The following NOX4 variants were observed in gnomAD, a reference collection of about 807,000 sequenced individuals.
The protein encoded by NOX4 is kidney oxidase-1.
NOX4 carries 69 observed loss-of-function variants against 87.6 expected under a neutral mutation model. The ratio of observed to expected loss-of-function variants is 0.79; its 90% CI spans 0.65 to 0.96. The LOEUF is 0.96. NOX4 is among the 40% of genes least tolerant of loss of function. The pLI is 0.00. For missense variants in NOX4, 680 were observed against 681.5 expected (o/e 1.00, Z 0.02); for synonymous variants, 275 against 238.2 (o/e 1.15, Z -1.42).
intron 8 of NOX4, among the ~76,000 whole-genome samples, chr11:89,411,081 C>T (rs143409492): frequency 0.022 from 3,365 of 152,222 alleles, 131 homozygotes; most frequent in African/African-American, 0.077. Context: ...GCCCTGATTC[C>T]AGGCACTAAC....
At chr11:89,467,435 C>G (rs1158363121) in intron 2 of NOX4, among the ~76,000 whole-genome samples, 1 of 149,382 alleles carries the variant, frequency 6.7e-6, no homozygotes, top group Non-Finnish European at 1.5e-5. Flanking sequence ...TCAGTCTGCT[C>G]TGGATGCTTT....
At chr11:89,577,351 T>C in the NOX4 span, 1 of 152,148 alleles carries the variant, frequency 6.6e-6, no homozygotes, top group Non-Finnish European at 1.5e-5. Flanking sequence ...TTTAAAAATA[T>C]CTAATGTATG....
In NOX4 at chr11:89,326,881, A is replaced by G. The variant is rs565576309; in HGVS notation, c.1617-5T>C. 6.2e-7 allele frequency: 1 copy of G among 1,612,714 alleles called. No homozygotes were observed. The highest frequency in any genetic ancestry group is 8.5e-7 in the Non-Finnish European group (1 of 1,179,268). ...CAGAAAACACCAACTGTTTTTCTAG[A>G]ACAAGAGCAGAGAAAATGGAAAATC... On this transcript the variant is annotated splice_polypyrimidine_tract_variant and splice_region_variant and intron_variant, in intron 17 of 17. Transcript: ENST00000263317.
the NOX4 span, among the ~76,000 whole-genome samples, chr11:89,539,156 G>A: frequency 5.9e-5 from 9 of 152,136 alleles, no homozygotes; most frequent in Non-Finnish European, 1.2e-4. Flanking sequence ...TTTTTGGGCA[G>A]GATGCGGTGG....
chr11:89,561,050 CATATATATATATATATATATATATAT>C, the NOX4 span, among the ~76,000 whole-genome samples: 20 of 28,552 alleles, frequency 7.0e-4, no homozygotes, highest in East Asian at 1.3e-3. Context: ...ATATATCATA[CATATATATATATATATATATATATAT>C]ATATATATAT....
At chr11:89,504,220 G>A in the NOX4 span, among the ~76,000 whole-genome samples, 1 of 151,796 alleles carries the variant, frequency 6.6e-6, no homozygotes, top group Non-Finnish European at 1.5e-5. Flanking sequence ...GCCCAATTAA[G>A]TTGCTGAAAG....
intron 8 of NOX4, among the ~76,000 whole-genome samples, chr11:89,416,601 T>A (rs1020184989): frequency 6.6e-6 from 1 of 152,148 alleles, no homozygotes; most frequent in Non-Finnish European, 1.5e-5. Context: ...CCCCACAATA[T>A]CTGTCTAACC....
chr11:89,549,295 T>A, the NOX4 span, among the ~76,000 whole-genome samples: 16 of 152,186 alleles, frequency 1.1e-4, no homozygotes, highest in African/African-American at 3.9e-4. Flanking sequence ...ACCAACCTTT[T>A]CTCAGATTTT....
the NOX4 span, among the ~76,000 whole-genome samples, chr11:89,537,755 T>A: frequency 6.6e-6 from 1 of 152,150 alleles, no homozygotes; most frequent in Non-Finnish European, 1.5e-5. Flanking sequence ...GGAGTTGACT[T>A]TGTACAACAC....
At chr11:89,560,017 G>T in the NOX4 span, among the ~76,000 whole-genome samples, 16 of 152,106 alleles carry the variant, frequency 1.1e-4, no homozygotes, top group Non-Finnish European at 2.1e-4. Flanking sequence ...TCATTTGGAA[G>T]TTGGGTCTTT....
chr11:89,374,754 A>G (rs1939715028), intron 11 of NOX4, among the ~76,000 whole-genome samples: 1 of 152,138 alleles, frequency 6.6e-6, no homozygotes, highest in South Asian at 2.1e-4. Flanking sequence ...GTTGATCATT[A>G]GTAGAATTGG....
the NOX4 span, among the ~76,000 whole-genome samples, chr11:89,568,876 A>G: frequency 1.3e-5 from 2 of 152,172 alleles, no homozygotes; most frequent in Non-Finnish European, 1.5e-5. Context: ...ACCTACAACA[A>G]ACAACTTTTG....
intron 11 of NOX4, among the ~76,000 whole-genome samples, chr11:89,392,849 A>T (rs1364752648): frequency 6.6e-6 from 1 of 152,176 alleles, no homozygotes; most frequent in Non-Finnish European, 1.5e-5. Context: ...TTGAGTAAGC[A>T]AAATATGTTT....
At chr11:89,485,099 A>T (rs776960088) in intron 2 of NOX4, among the ~76,000 whole-genome samples, 2 of 152,132 alleles carry the variant, frequency 1.3e-5, no homozygotes, top group Non-Finnish European at 2.9e-5. Flanking sequence ...CTGTCTCTGT[A>T]AAATGTTATG....
chr11:89,449,546 T>G (rs774821305), intron 3 of NOX4, 22 bp from the exon 4 acceptor site: 4 of 1,574,310 alleles, frequency 2.5e-6, no homozygotes, highest in Non-Finnish European at 3.5e-6. Flanking sequence ...TCATTTAATA[T>G]GGTAAAAATA....
At chr11:89,327,807 T>G (rs555983487) in intron 17 of NOX4, among the ~76,000 whole-genome samples, 1 of 152,056 alleles carries the variant, frequency 6.6e-6, no homozygotes, top group African/African-American at 2.4e-5. Flanking sequence ...AAAATGAAAC[T>G]AAAAGCTGTG....
At chr11:89,517,139 A>T in the NOX4 span, among the ~76,000 whole-genome samples, 1 of 152,080 alleles carries the variant, frequency 6.6e-6, no homozygotes, top group Non-Finnish European at 1.5e-5. Flanking sequence ...TGTCACTTTG[A>T]TGTTATTCAA....
chr11:89,448,931 A>C (rs1201900163), intron 4 of NOX4, among the ~76,000 whole-genome samples: 1 of 152,136 alleles, frequency 6.6e-6, no homozygotes, highest in African/African-American at 2.4e-5. Context: ...ATATCACATC[A>C]TCACTTTCAG....
At chr11:89,338,029 G>A (rs1945795053) in intron 15 of NOX4, among the ~76,000 whole-genome samples, 1 of 151,756 alleles carries the variant, frequency 6.6e-6, no homozygotes, top group African/African-American at 2.4e-5. Flanking sequence ...AATGCACGAG[G>A]CAAAAATATA....
Sources: gnomAD v4.1 joint callset for allele counts (sites outside exome capture counted in the v4.1 genomes callset) on GRCh38, gnomAD v4.1.1 for gene constraint, MANE v1.5 for transcripts, NCBI Gene and HGNC (gene_info 2026-07-23, HGNC 2026-07-21) for gene names.